SLC9A9: variants seen among roughly 807,000 people sequenced by gnomAD.
The protein encoded by SLC9A9 is sodium/hydrogen exchanger 9.
Under a neutral mutation model 77.8 loss-of-function variants are expected in SLC9A9, and 62 were observed. That is an observed-to-expected ratio of 0.80 (90% CI 0.65 to 0.98). The LOEUF is 0.98. Among genes scored for constraint, SLC9A9 ranks in the 50% least tolerant of loss-of-function variants. SLC9A9 has a pLI of 0.00. For missense variants in SLC9A9, 775 were observed against 774.9 expected, an observed-to-expected ratio of 1.00 and a Z score of 0.00; for synonymous variants, 320 against 283.5, an observed-to-expected ratio of 1.13 and a Z score of -1.29.
At chr3:143,767,896 C>G (rs2007377517) in intron 4 of SLC9A9, among the ~76,000 whole-genome samples, 2 of 152,144 alleles carry the variant, frequency 1.3e-5, no homozygotes, top group South Asian at 4.1e-4. Flanking sequence ...ATGTCTCTCA[C>G]TTCCTCAGAA....
At chr3:143,716,432 A>G (rs1052099905) in intron 4 of SLC9A9, among the ~76,000 whole-genome samples, 3 of 151,900 alleles carry the variant, frequency 2.0e-5, no homozygotes, top group Admixed American at 2.0e-4. Context: ...TTCTTATTAA[A>G]TTTTATCAGT....
intron 2 of SLC9A9, among the ~76,000 whole-genome samples, chr3:143,829,253 C>G (rs1275342818): frequency 6.6e-6 from 1 of 152,084 alleles, no homozygotes; most frequent in Non-Finnish European, 1.5e-5. Context: ...ACCCTACAAA[C>G]TTCATATTCT....
intron 12 of SLC9A9, among the ~76,000 whole-genome samples, chr3:143,435,047 C>T (rs1388040431): frequency 2.6e-5 from 4 of 152,290 alleles, no homozygotes; most frequent in Middle Eastern, 3.4e-3. Flanking sequence ...GCTTTTCCAT[C>T]CATCAGCTGG....
At chr3:143,631,676 GT>G (rs1414376766) in intron 6 of SLC9A9, among the ~76,000 whole-genome samples, 1 of 152,062 alleles carries the variant, frequency 6.6e-6, no homozygotes. Context: ...TTGTGCCTGG[GT>G]TAAGGGGAGG....
At chr3:143,408,745 A>G (rs4839633) in intron 12 of SLC9A9, among the ~76,000 whole-genome samples, 129,373 of 152,182 alleles carry the variant, frequency 0.85, 55,261 homozygotes, top group African/African-American at 0.92. Context: ...CATAACAAGC[A>G]AGTAATGTTA....
chr3:143,550,675 A>T (rs550396217), intron 9 of SLC9A9, among the ~76,000 whole-genome samples: 7 of 152,312 alleles, frequency 4.6e-5, no homozygotes, highest in African/African-American at 1.7e-4. Context: ...GTACAAGCTG[A>T]TGCACCCAGT....
chr3:143,823,310 T>C (rs1178843503), intron 2 of SLC9A9, among the ~76,000 whole-genome samples: 3 of 151,974 alleles, frequency 2.0e-5, no homozygotes, highest in African/African-American at 7.2e-5. Context: ...TAAAATGCAG[T>C]GGGGGAATGT....
intron 12 of SLC9A9, among the ~76,000 whole-genome samples, chr3:143,452,176 T>A (rs1393876868): frequency 6.6e-6 from 1 of 152,072 alleles, no homozygotes; most frequent in Non-Finnish European, 1.5e-5. Context: ...GATTAAAAAC[T>A]AATTACAAAG....
intron 12 of SLC9A9, among the ~76,000 whole-genome samples, chr3:143,447,208 G>A (rs574031348): frequency 3.9e-5 from 6 of 152,258 alleles, no homozygotes; most frequent in Non-Finnish European, 4.4e-5. Flanking sequence ...TTGTGAAGAC[G>A]TAAACACAGG....
chr3:143,632,630 T>C (rs1373968137), intron 6 of SLC9A9, among the ~76,000 whole-genome samples: 11 of 152,202 alleles, frequency 7.2e-5, no homozygotes, highest in African/African-American at 2.7e-4. Flanking sequence ...TTTATGTACA[T>C]ATAAATTGAA....
chr3:143,594,764 A>G (rs1208118113), intron 6 of SLC9A9, among the ~76,000 whole-genome samples: 1 of 152,152 alleles, frequency 6.6e-6, no homozygotes, highest in Non-Finnish European at 1.5e-5. Flanking sequence ...AACCAGAAAA[A>G]AAAAATGTGG....
chr3:143,445,736 T>C (rs369564769), intron 12 of SLC9A9, among the ~76,000 whole-genome samples: 2 of 152,242 alleles, frequency 1.3e-5, no homozygotes, highest in Non-Finnish European at 2.9e-5. Flanking sequence ...AACTGGCATA[T>C]ACACTAGCCA....
At chr3:143,566,156 T>C (rs1241572772) in intron 8 of SLC9A9, among the ~76,000 whole-genome samples, 1 of 152,162 alleles carries the variant, frequency 6.6e-6, no homozygotes, top group Non-Finnish European at 1.5e-5. Context: ...CTCCTCCTTA[T>C]CTATTGCAAA....
intron 5 of SLC9A9, among the ~76,000 whole-genome samples, chr3:143,667,428 C>T (rs1277764192): frequency 3.9e-5 from 6 of 152,206 alleles, no homozygotes; most frequent in Non-Finnish European, 7.3e-5. Context: ...TGGGCAAGGA[C>T]TTCATGTCTA....
chr3:143,455,590 T>C (rs551510495), intron 12 of SLC9A9, among the ~76,000 whole-genome samples: 5 of 152,290 alleles, frequency 3.3e-5, no homozygotes, highest in Non-Finnish European at 5.9e-5. Flanking sequence ...TTGGTTTCTG[T>C]TATTGGTATT....
intron 5 of SLC9A9, among the ~76,000 whole-genome samples, chr3:143,683,234 G>A (rs1237164069): frequency 6.6e-6 from 1 of 152,084 alleles, no homozygotes; most frequent in Non-Finnish European, 1.5e-5. Context: ...ATGATGCAAC[G>A]TGATCGATCA....
intron 2 of SLC9A9, among the ~76,000 whole-genome samples, chr3:143,815,542 A>G (rs1559811055): frequency 7.7e-6 from 1 of 129,358 alleles, no homozygotes; most frequent in Admixed American, 7.3e-5. Flanking sequence ...GCTTTTTGCT[A>G]TTTTAAAAAA....
At chr3:143,774,735 TTA>T (rs2007636540) in intron 4 of SLC9A9, among the ~76,000 whole-genome samples, 2 of 152,204 alleles carry the variant, frequency 1.3e-5, no homozygotes, top group Admixed American at 6.5e-5. Flanking sequence ...CTAAAAAGTT[TTA>T]TATTATACAT....
chr3:143,688,254 A>AT lies in SLC9A9; in HGVS notation c.649+4937dup, dbSNP rs375153590. ...TCATGAGCCATTGTGCCCAGTCTGG[A>AT]TTTTTTTTTTCCATTTTAATTGGTT... is the stretch of plus-strand genomic sequence containing the variant. On this transcript the variant is annotated intron_variant, in intron 5 of 15. Coordinates refer to ENST00000316549, the MANE Select transcript of SLC9A9 (RefSeq NM_173653.4). Among the ~76,000 whole-genome samples, 650 of 149,168 alleles carry AT rather than the reference A, an allele frequency of 4.4e-3. 5 individuals carry two copies. Among genetic ancestry groups the AT allele is most frequent in the African/African-American group, 0.015 (599 of 40,552 alleles).
Sources: allele counts gnomAD v4.1 joint callset (sites outside exome capture counted in the v4.1 genomes callset), GRCh38; gene constraint gnomAD v4.1.1; transcripts MANE v1.5; gene names NCBI Gene and HGNC (gene_info 2026-07-23, HGNC 2026-07-21).